Variants in LAMB1 observed in about 807,000 individuals in gnomAD.
LAMB1 encodes the protein laminin subunit beta 1.
LAMB1 carries 121 observed loss-of-function variants against 222.3 expected under a neutral mutation model. That is an observed-to-expected ratio of 0.54 (90% CI 0.47 to 0.63). The LOEUF (loss-of-function observed/expected upper bound fraction) is 0.63, where lower values mean the gene tolerates loss of function less well. Ranked by LOEUF, LAMB1 falls within the 30% of genes least tolerant of loss-of-function variation. The pLI is 0.00. For synonymous variants in LAMB1, 794 were observed against 807.2 expected (o/e 0.98, Z 0.28); for missense variants, 2,172 against 2,240.8 (o/e 0.97, Z 0.62).
Position 107,953,600 on chromosome 7 carries a change from G to A in LAMB1, c.3009C>T (p.His1003=). 6.2e-7 allele frequency: 1 copy of A among 1,614,172 alleles called. No homozygotes were observed. Among genetic ancestry groups the A allele is most frequent in the Non-Finnish European group, 8.5e-7 (1 of 1,180,024 alleles). The change falls in exon 22 of 34, where the codon CAC becomes CAT. Residue 1003 remains histidine (H), a synonymous_variant. Transcript: ENST00000222399. ...ETGRCLKCLY[H]TEGEHCQFCR... ...AGAACTGACAGTGTTCCCCTTCCGT[G>A]TGGTACAGGCACTTGAGACACCTCC...
chr7:107,953,448 T>C (rs991368748), intron 22 of LAMB1, 82 bp downstream of exon 22: 2 of 1,050,798 alleles, frequency 1.9e-6, no homozygotes, highest in African/African-American at 3.2e-5. Context: ...GTGAAATAAA[T>C]ACAGGAAGAA....
rs757581889 is a variant in LAMB1 at position 107,953,836 on chromosome 7, AGAGCT to A, written c.2855-87_2855-83del. 5.2e-4 allele frequency: 633 copies of A among 1,219,674 alleles called. 1 individual carries two copies. Among genetic ancestry groups the A allele is most frequent in the Middle Eastern group, 1.9e-3 (10 of 5,258 alleles). The allele number at this position is 1,219,674 out of a possible 1,614,324, so 75.6% of individuals were successfully genotyped here. ...AGTGCACCGACACTCATGCCTAGAG[AGAGCT>A]GATCGTGGCGGTGCTTCATCTTCAC... On this transcript the variant is annotated intron_variant, in intron 21 of 33. Coordinates refer to ENST00000222399, the MANE Select transcript of LAMB1 (RefSeq NM_002291.3).
chr7:107,957,842 C>A (rs1243506563), intron 20 of LAMB1, among the ~76,000 whole-genome samples: 1 of 152,134 alleles, frequency 6.6e-6, no homozygotes, highest in African/African-American at 2.4e-5. Flanking sequence ...TAGTAGAATT[C>A]CAAATACTTA....
intron 26 of LAMB1, 127 bp from the exon 27 acceptor site, chr7:107,935,783 AT>A: frequency 9.4e-7 from 1 of 1,062,404 alleles, no homozygotes; most frequent in Non-Finnish European, 1.4e-6. Flanking sequence ...AAGAAAAAAT[AT>A]TTATGAAGTA....
chr7:107,977,563 A>C (rs1490797421), intron 9 of LAMB1, among the ~76,000 whole-genome samples: 1 of 152,116 alleles, frequency 6.6e-6, no homozygotes, highest in Non-Finnish European at 1.5e-5. Context: ...CAAGGTGGGT[A>C]GATCACTTGA....
At chr7:107,944,558 G>A (rs1221894066) in intron 24 of LAMB1, among the ~76,000 whole-genome samples, 1 of 152,134 alleles carries the variant, frequency 6.6e-6, no homozygotes, top group Non-Finnish European at 1.5e-5. Context: ...CAAATAACTA[G>A]TCTCAAATGT....
intron 31 of LAMB1, among the ~76,000 whole-genome samples, chr7:107,928,199 C>G (rs1431765205): frequency 6.6e-6 from 1 of 152,156 alleles, no homozygotes; most frequent in African/African-American, 2.4e-5. Flanking sequence ...CTTTTAATAT[C>G]TGGTAGTCAC....
At chr7:107,997,242 T>C (rs1584543815) in intron 4 of LAMB1, among the ~76,000 whole-genome samples, 2 of 152,138 alleles carry the variant, frequency 1.3e-5, no homozygotes, top group Non-Finnish European at 2.9e-5. Flanking sequence ...GCTAACACCG[T>C]GAAACCCCAC....
intron 3 of LAMB1, 121 bp from the exon 4 acceptor site, chr7:107,998,613 T>C: frequency 1.3e-6 from 1 of 768,256 alleles, no homozygotes; most frequent in Non-Finnish European, 2.0e-6. Flanking sequence ...GAAAAATAAT[T>C]GTGTGAAAAT....
chr7:107,949,861 A>G (rs1017309262), intron 24 of LAMB1, among the ~76,000 whole-genome samples: 15 of 152,324 alleles, frequency 9.8e-5, no homozygotes, highest in African/African-American at 3.6e-4. Flanking sequence ...GAGATATTGA[A>G]TGAGTTGCCA....
intron 21 of LAMB1, among the ~76,000 whole-genome samples, chr7:107,954,785 CGT>C (rs2033340303): frequency 6.6e-6 from 1 of 151,860 alleles, no homozygotes; most frequent in Non-Finnish European, 1.5e-5. Flanking sequence ...AGTGAGACCC[CGT>C]CTCAAAAACA....
intron 5 of LAMB1, among the ~76,000 whole-genome samples, chr7:107,987,418 A>T (rs536970401): frequency 3.9e-5 from 6 of 152,222 alleles, no homozygotes; most frequent in African/African-American, 1.4e-4. Context: ...ACACTTAAAA[A>T]TGGTTAAAAT....
intron 13 of LAMB1, 63 bp downstream of exon 13, chr7:107,972,929 T>C (rs1330183541): frequency 7.9e-7 from 1 of 1,270,536 alleles, no homozygotes; most frequent in Non-Finnish European, 1.2e-6. Flanking sequence ...ATGTCACCCA[T>C]TCCTGTAAGT....
At chr7:107,940,925 A>G (rs1339169200) in intron 24 of LAMB1, among the ~76,000 whole-genome samples, 1 of 152,246 alleles carries the variant, frequency 6.6e-6, no homozygotes, top group African/African-American at 2.4e-5. Context: ...TCTATCTCAC[A>G]ACAAAACATA....
At chr7:107,980,308 T>C (rs545259954) in intron 8 of LAMB1, among the ~76,000 whole-genome samples, 40 of 152,354 alleles carry the variant, frequency 2.6e-4, no homozygotes, top group South Asian at 2.3e-3. Context: ...GCAGACTCAA[T>C]TGTTATTTAG....
At chr7:107,927,512 G>A (rs1286480500) in intron 31 of LAMB1, among the ~76,000 whole-genome samples, 2 of 152,080 alleles carry the variant, frequency 1.3e-5, no homozygotes, top group Non-Finnish European at 1.5e-5. Flanking sequence ...TTGTTTACAG[G>A]CATGATCATA....
intron 5 of LAMB1, among the ~76,000 whole-genome samples, chr7:107,993,281 G>A (rs1408463965): frequency 4.6e-5 from 7 of 152,120 alleles, no homozygotes; most frequent in East Asian, 1.9e-4. Flanking sequence ...CTACAGGCGC[G>A]TGCCACCACG....
intron 4 of LAMB1, among the ~76,000 whole-genome samples, chr7:107,997,579 G>A (rs560397044): frequency 4.9e-4 from 75 of 152,218 alleles, no homozygotes; most frequent in Non-Finnish European, 8.1e-4. Context: ...GCTTTTTAAC[G>A]GCCAGGGTTA....
rs372316830 is a variant in LAMB1 at position 107,940,089 on chromosome 7, C to A, written c.3661G>T (p.Asp1221Tyr). The stretch of plus-strand genomic sequence containing the variant: ...TCGCTGACTTTCCTCTCCACCGAGT[C>A]CACAGTCTCACGGTAAGGCCCGATC... ...GVIGPYRETV[D>Y]SVERKVSEIK... is the part of the protein sequence containing the mutation. Residue 1221 changes from aspartate (D) to tyrosine (Y), a missense_variant, in exon 25 of 34, where the codon GAC becomes TAC. Transcript: ENST00000222399. 3 of 1,614,168 alleles carry A rather than the reference C, an allele frequency of 1.9e-6. No homozygotes were observed. Among genetic ancestry groups the A allele is most frequent in the Non-Finnish European group, 2.5e-6 (3 of 1,180,038 alleles).
Sources: allele counts gnomAD v4.1 joint callset (sites outside exome capture counted in the v4.1 genomes callset), GRCh38; gene constraint gnomAD v4.1.1; transcripts MANE v1.5; gene names NCBI Gene and HGNC (gene_info 2026-07-23, HGNC 2026-07-21).